Variants in SMAP1 observed in about 807,000 individuals in gnomAD.
SMAP1 encodes small ArfGAP 1.
In SMAP1, 24 loss-of-function variants were observed where a neutral mutation model predicts 58.5. The ratio of observed to expected loss-of-function variants is 0.41; its 90% CI spans 0.30 to 0.58. SMAP1 has a LOEUF of 0.58. Among genes scored for constraint, SMAP1 ranks in the 20% least tolerant of loss-of-function variants. The pLI is 0.29. For missense variants in SMAP1, 563 were observed against 566.3 expected (o/e 0.99, Z 0.06); for synonymous variants, 216 against 196.6 (o/e 1.10, Z -0.82).
intron 3 of SMAP1, among the ~76,000 whole-genome samples, chr6:70,763,562 TAGAA>T (rs1200943431): frequency 3.9e-5 from 6 of 151,996 alleles, no homozygotes; most frequent in South Asian, 2.1e-4. Context: ...AAAGCTATAA[TAGAA>T]AGGATTAAGC....
chr6:70,764,537 C>T (rs1406230559), intron 3 of SMAP1, among the ~76,000 whole-genome samples: 3 of 152,232 alleles, frequency 2.0e-5, no homozygotes, highest in Non-Finnish European at 1.5e-5. Flanking sequence ...TAAGCTACAT[C>T]TATTCTGCCT....
At chr6:70,761,442 T>G (rs764557226) in intron 3 of SMAP1, among the ~76,000 whole-genome samples, 1 of 152,082 alleles carries the variant, frequency 6.6e-6, no homozygotes, top group Non-Finnish European at 1.5e-5. Flanking sequence ...TATTGATCTA[T>G]GTCAGTATAA....
chr6:70,689,409 T>A (rs1389023384), intron 1 of SMAP1, among the ~76,000 whole-genome samples: 1 of 152,240 alleles, frequency 6.6e-6, no homozygotes, highest in Non-Finnish European at 1.5e-5. Context: ...CTGAAATTTA[T>A]TATGTTCCAT....
chr6:70,837,573 A>G (rs1770641840), intron 7 of SMAP1, among the ~76,000 whole-genome samples: 1 of 152,056 alleles, frequency 6.6e-6, no homozygotes, highest in Admixed American at 6.6e-5. Context: ...CATGGCTGAA[A>G]GGTATATATT....
At chr6:70,712,500 C>A (rs944406399) in intron 1 of SMAP1, among the ~76,000 whole-genome samples, 4 of 152,148 alleles carry the variant, frequency 2.6e-5, no homozygotes, top group African/African-American at 7.2e-5. Context: ...TGGAAAACTT[C>A]AAGAAGGATT....
intron 2 of SMAP1, among the ~76,000 whole-genome samples, chr6:70,740,489 A>C (rs1003890457): frequency 8.6e-5 from 12 of 140,076 alleles, no homozygotes; most frequent in East Asian, 4.3e-4. Flanking sequence ...CAAAAAAAAA[A>C]CCCAAGGCCA....
chr6:70,742,295 G>A (rs1765848051), intron 2 of SMAP1, among the ~76,000 whole-genome samples: 1 of 152,138 alleles, frequency 6.6e-6, no homozygotes, highest in Admixed American at 6.5e-5. Flanking sequence ...CAGCACCCAA[G>A]TCACCTCTTG....
intron 7 of SMAP1, among the ~76,000 whole-genome samples, chr6:70,844,305 A>G (rs899517147): frequency 1.3e-5 from 2 of 152,210 alleles, no homozygotes; most frequent in Admixed American, 1.3e-4. Context: ...TATTTCAGAT[A>G]GCTCTAAATC....
At chr6:70,741,325 A>G (rs2149873300) in intron 2 of SMAP1, among the ~76,000 whole-genome samples, 1 of 152,362 alleles carries the variant, frequency 6.6e-6, no homozygotes, top group South Asian at 2.1e-4. Flanking sequence ...GGCATTGGGT[A>G]AATACAGCTG....
At chr6:70,758,312 C>G (rs1436273831) in intron 3 of SMAP1, among the ~76,000 whole-genome samples, 2 of 143,974 alleles carry the variant, frequency 1.4e-5, no homozygotes, top group Non-Finnish European at 3.0e-5. Context: ...TAGGTGGGAA[C>G]TGAACAATGA....
chr6:70,706,889 T>A (rs1767863774), intron 1 of SMAP1, among the ~76,000 whole-genome samples: 1 of 152,198 alleles, frequency 6.6e-6, no homozygotes. Flanking sequence ...AGCCCCAGGA[T>A]ATATCAAATA....
intron 6 of SMAP1, among the ~76,000 whole-genome samples, chr6:70,835,997 G>A (rs1441185547): frequency 6.6e-6 from 1 of 152,136 alleles, no homozygotes; most frequent in African/African-American, 2.4e-5. Flanking sequence ...GTAGATTCAG[G>A]AAGAAAGTAT....
intron 8 of SMAP1, among the ~76,000 whole-genome samples, chr6:70,854,867 C>T (rs771240675): frequency 3.3e-5 from 5 of 152,122 alleles, no homozygotes; most frequent in Admixed American, 3.3e-4. Flanking sequence ...ACAATATTTT[C>T]TAACTTATGA....
At chr6:70,846,681 G>A (rs1244071908) in intron 7 of SMAP1, among the ~76,000 whole-genome samples, 3 of 152,158 alleles carry the variant, frequency 2.0e-5, no homozygotes, top group Admixed American at 1.3e-4. Flanking sequence ...AGGAGCTTGT[G>A]CCAAGTACTA....
At chr6:70,684,222 T>C (rs1385711589) in intron 1 of SMAP1, among the ~76,000 whole-genome samples, 1 of 152,232 alleles carries the variant, frequency 6.6e-6, no homozygotes, top group African/African-American at 2.4e-5. Flanking sequence ...GAACAAATGG[T>C]TATCTCTATA....
chr6:70,732,418 C>T lies in SMAP1; in HGVS notation c.159C>T (p.Cys53=). 1 of 1,612,326 alleles carries T rather than the reference C, an allele frequency of 6.2e-7. No individual in the cohort carries two copies. Among genetic ancestry groups the T allele is most frequent in the Non-Finnish European group, 8.5e-7 (1 of 1,179,016 alleles). ...WASWNIGVFI[C]IRCAGIHRNL... is the part of the protein sequence containing the mutation. The stretch of plus-strand genomic sequence containing the variant: ...CCTGGAATATTGGTGTGTTTATTTG[C>T]ATCAGATGTGCTGGAATTCATAGAA... The change falls in exon 2 of 11, where the codon TGC becomes TGT. Residue 53 remains cysteine (C), a synonymous_variant. Transcript: ENST00000370455.
intron 6 of SMAP1, among the ~76,000 whole-genome samples, chr6:70,829,707 CTG>C (rs1770281615): frequency 6.6e-6 from 1 of 152,076 alleles, no homozygotes; most frequent in African/African-American, 2.4e-5. Context: ...TTAAAGGAAA[CTG>C]ATTATAAATA....
At chr6:70,847,301 G>A (rs1396656207) in intron 7 of SMAP1, among the ~76,000 whole-genome samples, 1 of 152,152 alleles carries the variant, frequency 6.6e-6, no homozygotes. Context: ...GTGGGCCAGT[G>A]AATGCATGCT....
At chr6:70,753,177 T>A (rs1049845643) in intron 2 of SMAP1, among the ~76,000 whole-genome samples, 7 of 152,082 alleles carry the variant, frequency 4.6e-5, no homozygotes, top group African/African-American at 1.7e-4. Flanking sequence ...AGAAAAAAAA[T>A]ACCAATTATT....
Sources: gnomAD v4.1 joint callset for allele counts (sites outside exome capture counted in the v4.1 genomes callset) on GRCh38, gnomAD v4.1.1 for gene constraint, MANE v1.5 for transcripts, NCBI Gene and HGNC (gene_info 2026-07-23, HGNC 2026-07-21) for gene names.